IL1RAPL1: variants seen among roughly 807,000 people sequenced by gnomAD.
IL1RAPL1 encodes interleukin 1 receptor accessory protein like 1.
IL1RAPL1 carries 3 observed loss-of-function variants against 48.4 expected under a neutral mutation model. That is an observed-to-expected ratio of 0.06 (90% CI 0.03 to 0.16). The LOEUF (loss-of-function observed/expected upper bound fraction) is 0.16. IL1RAPL1 is among the 10% of genes least tolerant of loss of function. IL1RAPL1 has a pLI of 1.00. For missense variants in IL1RAPL1, 349 were observed against 530.6 expected, an observed-to-expected ratio of 0.66 and a Z score of 3.36; for synonymous variants, 185 against 187.7, an observed-to-expected ratio of 0.99 and a Z score of 0.12.
At chrX:29,794,275 TA>T (rs200029402) in intron 6 of IL1RAPL1, among the ~76,000 whole-genome samples, 2 of 110,192 alleles carry the variant, frequency 1.8e-5, no homozygotes, top group Non-Finnish European at 3.8e-5. Context: ...ACAACTTCGT[TA>T]AAAAAAAAGA....
chrX:29,914,710 C>A (rs150116170), intron 6 of IL1RAPL1, among the ~76,000 whole-genome samples: 2 of 107,226 alleles, frequency 1.9e-5, no homozygotes, highest in Non-Finnish European at 3.8e-5. Flanking sequence ...AAAACAAAAA[C>A]AAAAACAGTG....
chrX:28,875,464 A>G (rs928333485), intron 2 of IL1RAPL1, among the ~76,000 whole-genome samples: 6 of 112,375 alleles, frequency 5.3e-5, no homozygotes, highest in Non-Finnish European at 9.4e-5. Context: ...AAACTGAAAA[A>G]ACAAAAGATG....
At chrX:29,369,028 C>A in intron 3 of IL1RAPL1, 1 of 114,108 alleles carries the variant, frequency 8.8e-6, no homozygotes. Context: ...CTTTTCTGGG[C>A]AAAACCAACC....
chrX:28,840,232 C>T (rs998385047), intron 2 of IL1RAPL1, among the ~76,000 whole-genome samples: 3 of 111,023 alleles, frequency 2.7e-5, no homozygotes, highest in African/African-American at 9.8e-5. Context: ...CCATCTTCCT[C>T]TGATAGTGGC....
At chrX:28,981,957 C>T (rs1055577451) in intron 2 of IL1RAPL1, among the ~76,000 whole-genome samples, 1 of 111,662 alleles carries the variant, frequency 9.0e-6, no homozygotes, top group African/African-American at 3.3e-5. Context: ...ACCTCCTGTC[C>T]CTGTTTTATC....
rs756932071 is a variant in IL1RAPL1, at chrX:29,116,668, T to C, written c.83-166270T>C. On this transcript the variant is annotated intron_variant, in intron 2 of 10. Transcript: ENST00000378993. ...CTACATACAACAGAGTACTTGTAAA[T>C]ACAATAGGGTACTTGAGAGAAGTTA... is the stretch of plus-strand genomic sequence containing the variant. Among the ~76,000 whole-genome samples the C allele has an allele frequency of 4.5e-5, 5 of 111,682 alleles. No homozygotes were observed. In the South Asian group the frequency reaches 1.9e-3, roughly 42 times the overall value.
At chrX:29,703,004 C>G in intron 6 of IL1RAPL1, among the ~76,000 whole-genome samples, 1 of 111,914 alleles carries the variant, frequency 8.9e-6, no homozygotes, top group Admixed American at 9.4e-5. Context: ...ATAAATAGAA[C>G]AAAGAGAAAA....
At chrX:29,718,079 G>T (rs993922273) in intron 6 of IL1RAPL1, among the ~76,000 whole-genome samples, 5 of 111,758 alleles carry the variant, frequency 4.5e-5, no homozygotes, top group African/African-American at 1.6e-4. Context: ...TAAATGCAAG[G>T]TATGGACGAA....
chrX:29,890,763 G>A (rs1031071695), intron 6 of IL1RAPL1, among the ~76,000 whole-genome samples: 1 of 111,648 alleles, frequency 9.0e-6, no homozygotes, highest in Non-Finnish European at 1.9e-5. Context: ...CTGCCTTTTA[G>A]TGTCTAGAAC....
intron 1 of IL1RAPL1, among the ~76,000 whole-genome samples, chrX:28,697,050 T>C (rs1425161429): frequency 8.9e-6 from 1 of 111,954 alleles, no homozygotes; most frequent in Non-Finnish European, 1.9e-5. Context: ...ATTTTGTTTT[T>C]ACAAGTATAT....
intron 5 of IL1RAPL1, among the ~76,000 whole-genome samples, chrX:29,567,890 G>A (rs920951790): frequency 9.0e-6 from 1 of 110,846 alleles, no homozygotes; most frequent in African/African-American, 3.3e-5. Context: ...GGTTTCAAAG[G>A]GACTTGTGAG....
intron 3 of IL1RAPL1, among the ~76,000 whole-genome samples, chrX:29,317,065 C>T (rs1932773154): frequency 9.0e-6 from 1 of 110,980 alleles, no homozygotes; most frequent in Admixed American, 9.6e-5. Flanking sequence ...TTGTGACGGG[C>T]TAAGGATTTT....
chrX:29,909,625 CTGAAAGAAATCAGTGA>C (rs1329876692), intron 6 of IL1RAPL1, among the ~76,000 whole-genome samples: 1 of 111,567 alleles, frequency 9.0e-6, no homozygotes, highest in Non-Finnish European at 1.9e-5. Flanking sequence ...CAAAACACTG[CTGAAAGAAATCAGTGA>C]TGACACAAAC....
intron 5 of IL1RAPL1, among the ~76,000 whole-genome samples, chrX:29,478,588 A>G (rs1935003080): frequency 9.0e-6 from 1 of 111,017 alleles, no homozygotes; most frequent in African/African-American, 3.3e-5. Flanking sequence ...CACTAAAAGT[A>G]AATATAGAGT....
intron 1 of IL1RAPL1, among the ~76,000 whole-genome samples, chrX:28,640,893 AT>A (rs1477635191): frequency 1.8e-5 from 2 of 110,516 alleles, no homozygotes; most frequent in East Asian, 5.7e-4. Flanking sequence ...TGCATATCAA[AT>A]CCCCAAACTT....
At position 29,954,502 on chromosome X, in the gene IL1RAPL1, T is replaced by C; in HGVS notation, c.1202-20T>C. On this transcript the variant is annotated intron_variant, in intron 9 of 10. Coordinates refer to ENST00000378993, the MANE Select transcript of IL1RAPL1 (RefSeq NM_014271.4). Reference sequence around the variant, plus strand: ...TTTGTAGAGTAGTGACTTCGACTTTTCTTTGGAATTTTTTGACAGACAATA... The same window carrying C: ...TTTGTAGAGTAGTGACTTCGACTTTCCTTTGGAATTTTTTGACAGACAATA... 1 of 1,195,960 alleles carries C rather than the reference T, an allele frequency of 8.4e-7. No individual in the cohort carries two copies. The highest frequency in any genetic ancestry group is 1.1e-6 in the Non-Finnish European group (1 of 881,344).
intron 2 of IL1RAPL1, among the ~76,000 whole-genome samples, chrX:28,887,989 CT>C (rs1269487611): frequency 9.0e-6 from 1 of 111,073 alleles, no homozygotes; most frequent in African/African-American, 3.3e-5. Flanking sequence ...TTTCTATTGC[CT>C]TTGCATCAAT....
intron 1 of IL1RAPL1, among the ~76,000 whole-genome samples, chrX:28,728,972 A>T (rs1213058338): frequency 9.0e-6 from 1 of 111,623 alleles, no homozygotes; most frequent in Non-Finnish European, 1.9e-5. Context: ...TTTCTTTTTC[A>T]CTTTAAAAGT....
intron 6 of IL1RAPL1, among the ~76,000 whole-genome samples, chrX:29,824,543 T>C (rs1456148772): frequency 8.9e-6 from 1 of 112,101 alleles, no homozygotes; most frequent in Non-Finnish European, 1.9e-5. Context: ...TGAGTTCCAA[T>C]CCAATTCGAA....
Sources: gnomAD v4.1 joint callset for allele counts (sites outside exome capture counted in the v4.1 genomes callset) on GRCh38, gnomAD v4.1.1 for gene constraint, MANE v1.5 for transcripts, NCBI Gene and HGNC (gene_info 2026-07-23, HGNC 2026-07-21) for gene names.